The following PPARGC1A variants were observed in gnomAD, a reference collection of about 807,000 sequenced individuals.
PPARGC1A encodes peroxisome proliferator-activated receptor gamma coactivator 1-alpha.
In PPARGC1A, 25 loss-of-function variants were observed where a neutral mutation model predicts 88.7. The observed-to-expected ratio is 0.28, with a 90% CI of 0.21 to 0.39. The LOEUF (loss-of-function observed/expected upper bound fraction) is 0.39. Ranked by LOEUF, PPARGC1A falls within the 10% of genes least tolerant of loss-of-function variation. PPARGC1A has a pLI of 1.00. For synonymous variants in PPARGC1A, 363 were observed against 355.6 expected, an observed-to-expected ratio of 1.02 and a Z score of -0.24; for missense variants, 880 against 968.7, an observed-to-expected ratio of 0.91 and a Z score of 1.22.
the PPARGC1A span, among the ~76,000 whole-genome samples, chr4:24,196,056 C>T: frequency 6.6e-6 from 1 of 152,232 alleles, no homozygotes; most frequent in African/African-American, 2.4e-5. Context: ...TCTGATTTCT[C>T]ACTTTCAGTG....
chr4:23,854,865 G>A (rs923229486), intron 2 of PPARGC1A, among the ~76,000 whole-genome samples: 1 of 152,072 alleles, frequency 6.6e-6, no homozygotes, highest in Admixed American at 6.5e-5. Flanking sequence ...AGAAAGGCCT[G>A]TTTCCAATAT....
chr4:23,946,949 C>G, the PPARGC1A span, among the ~76,000 whole-genome samples: 4 of 151,942 alleles, frequency 2.6e-5, no homozygotes, highest in Non-Finnish European at 4.4e-5. Flanking sequence ...CAAACTGAAC[C>G]CACAGAGCCC....
the PPARGC1A span, among the ~76,000 whole-genome samples, chr4:24,219,163 C>A: frequency 1.1e-4 from 17 of 152,194 alleles, no homozygotes; most frequent in Non-Finnish European, 2.1e-4. Flanking sequence ...CCAGCCAAAC[C>A]TCTTGGAGAT....
chr4:24,219,836 G>A, the PPARGC1A span, among the ~76,000 whole-genome samples: 2 of 152,158 alleles, frequency 1.3e-5, no homozygotes, highest in South Asian at 4.1e-4. Flanking sequence ...CATCCGTCCT[G>A]TTGAGAAGCC....
At chr4:24,345,754 G>A in the PPARGC1A span, among the ~76,000 whole-genome samples, 6,510 of 152,114 alleles carry the variant, frequency 0.043, 496 homozygotes, top group African/African-American at 0.15. Flanking sequence ...CCTCTTTACC[G>A]ATTCGGATGT....
chr4:24,402,628 C>A, the PPARGC1A span, among the ~76,000 whole-genome samples: 5 of 152,304 alleles, frequency 3.3e-5, no homozygotes, highest in African/African-American at 9.6e-5. Context: ...ACAGTACACA[C>A]CAGAGATGAG....
At chr4:24,167,874 C>A in the PPARGC1A span, among the ~76,000 whole-genome samples, 2 of 152,164 alleles carry the variant, frequency 1.3e-5, no homozygotes, top group Non-Finnish European at 2.9e-5. Flanking sequence ...TCACCTCAGC[C>A]TCCTGAGTAG....
At chr4:24,470,980 TG>T in the PPARGC1A span, among the ~76,000 whole-genome samples, 1 of 151,450 alleles carries the variant, frequency 6.6e-6, no homozygotes, top group African/African-American at 2.4e-5. This position sits in a 1 kb window ranked among gnomAD's most constrained non-coding sequence, Gnocchi z 5.8. Context: ...TTGTCTTCTC[TG>T]CCGGGAGCTC....
At chr4:24,345,865 A>G in the PPARGC1A span, among the ~76,000 whole-genome samples, 1 of 152,152 alleles carries the variant, frequency 6.6e-6, no homozygotes, top group Non-Finnish European at 1.5e-5. Flanking sequence ...TCCAGTTCTT[A>G]GAGGGAATGC....
At chr4:24,192,079 A>T in the PPARGC1A span, among the ~76,000 whole-genome samples, 1 of 152,118 alleles carries the variant, frequency 6.6e-6, no homozygotes, top group South Asian at 2.1e-4. Flanking sequence ...CTCCACTAGC[A>T]TTTCTTCCTT....
the PPARGC1A span, among the ~76,000 whole-genome samples, chr4:24,331,486 CAGA>C: frequency 6.6e-6 from 1 of 152,150 alleles, no homozygotes; most frequent in South Asian, 2.1e-4. Flanking sequence ...AAACAAGTTC[CAGA>C]AGGACAGAAC....
chr4:24,084,181 G>A, the PPARGC1A span, among the ~76,000 whole-genome samples: 1 of 152,300 alleles, frequency 6.6e-6, no homozygotes, highest in African/African-American at 2.4e-5. Flanking sequence ...CTCACTAAAT[G>A]CATATTAGCT....
At chr4:24,088,271 C>A in the PPARGC1A span, among the ~76,000 whole-genome samples, 7 of 152,010 alleles carry the variant, frequency 4.6e-5, no homozygotes, top group Non-Finnish European at 1.0e-4. Context: ...GGGAGGATCA[C>A]TTGAGCCCAG....
chr4:23,873,335 T>A (rs543354968), intron 2 of PPARGC1A, among the ~76,000 whole-genome samples: 16 of 152,270 alleles, frequency 1.1e-4, no homozygotes, highest in African/African-American at 3.8e-4. Flanking sequence ...TGAAGTACTA[T>A]CTCAAGGTGT....
At chr4:24,030,274 T>C in the PPARGC1A span, among the ~76,000 whole-genome samples, 2 of 152,168 alleles carry the variant, frequency 1.3e-5, no homozygotes, top group African/African-American at 2.4e-5. Flanking sequence ...CAAACAGATA[T>C]CTGAATGCAT....
chr4:23,798,611 T>C (rs1718070662), intron 12 of PPARGC1A, among the ~76,000 whole-genome samples: 2 of 152,220 alleles, frequency 1.3e-5, no homozygotes, highest in South Asian at 4.1e-4. Flanking sequence ...GTTTAAGTTA[T>C]GTAACATAAC....
the PPARGC1A span, among the ~76,000 whole-genome samples, chr4:24,379,206 T>C: frequency 2.1e-4 from 32 of 152,282 alleles, no homozygotes; most frequent in African/African-American, 7.7e-4. Flanking sequence ...AATACAGCCA[T>C]TAATAATTAT....
chr4:24,272,339 G>T, the PPARGC1A span, among the ~76,000 whole-genome samples: 1 of 151,862 alleles, frequency 6.6e-6, no homozygotes, highest in South Asian at 2.1e-4. Flanking sequence ...TTTAAGTATG[G>T]ATCCAGGATA....
chr4:23,950,397 C>T, the PPARGC1A span, among the ~76,000 whole-genome samples: 3 of 152,076 alleles, frequency 2.0e-5, no homozygotes, highest in Non-Finnish European at 4.4e-5. Flanking sequence ...CACAAGATGG[C>T]CTTTAAAGGA....
Sources: allele counts gnomAD v4.1 joint callset (sites outside exome capture counted in the v4.1 genomes callset), GRCh38; gene constraint gnomAD v4.1.1; non-coding constraint Gnocchi (gnomAD v3.1); transcripts MANE v1.5; gene names NCBI Gene and HGNC (gene_info 2026-07-23, HGNC 2026-07-21).